SLC8A1: variants seen among roughly 807,000 people sequenced by gnomAD.
SLC8A1 encodes solute carrier family 8 member A1.
In SLC8A1, 18 loss-of-function variants were observed where a neutral mutation model predicts 68.3. That is an observed-to-expected ratio of 0.26 (90% CI 0.18 to 0.39). The LOEUF is 0.39. Among genes scored for constraint, SLC8A1 ranks in the 10% least tolerant of loss-of-function variants. SLC8A1 has a pLI of 1.00. For missense variants in SLC8A1, 985 were observed against 1,156.7 expected, an observed-to-expected ratio of 0.85 and a Z score of 2.15; for synonymous variants, 475 against 415.5, an observed-to-expected ratio of 1.14 and a Z score of -1.74.
intron 2 of SLC8A1, among the ~76,000 whole-genome samples, chr2:40,403,137 A>C (rs1689255258): frequency 6.6e-6 from 1 of 152,224 alleles, no homozygotes; most frequent in African/African-American, 2.4e-5. Context: ...TTGGTATTTA[A>C]AGTTAATCCT....
intron 1 of SLC8A1, among the ~76,000 whole-genome samples, chr2:40,444,593 G>C (rs1486995131): frequency 6.6e-6 from 1 of 152,190 alleles, no homozygotes; most frequent in African/African-American, 2.4e-5. Context: ...TGTGTCAAGA[G>C]TTGGCAAACT....
At chr2:40,110,033 T>G (rs1006494151) in exon 8 of SLC8A1, 2 of 152,178 alleles carry the variant, frequency 1.3e-5, no homozygotes, top group African/African-American at 2.4e-5. Flanking sequence ...CAGAGAACCT[T>G]TGACAAAACT....
At chr2:40,168,925 T>C (rs1244261995) in intron 4 of SLC8A1, among the ~76,000 whole-genome samples, 1 of 152,224 alleles carries the variant, frequency 6.6e-6, no homozygotes, top group Non-Finnish European at 1.5e-5. Context: ...AAATGCATAA[T>C]TAACAGCCAC....
intron 2 of SLC8A1, among the ~76,000 whole-genome samples, chr2:40,320,109 A>G (rs2075009013): frequency 6.6e-6 from 1 of 152,140 alleles, no homozygotes; most frequent in African/African-American, 2.4e-5. Flanking sequence ...CATCATTACC[A>G]TCACCATCAT....
intron 2 of SLC8A1, among the ~76,000 whole-genome samples, chr2:40,197,665 ATTC>A (rs1460306020): frequency 1.3e-5 from 2 of 150,864 alleles, no homozygotes; most frequent in Non-Finnish European, 3.0e-5. Context: ...GAAATTCAGT[ATTC>A]TTAGAATGAG....
At chr2:40,315,179 C>G (rs2074268105) in intron 2 of SLC8A1, among the ~76,000 whole-genome samples, 1 of 151,762 alleles carries the variant, frequency 6.6e-6, no homozygotes, top group Non-Finnish European at 1.5e-5. Context: ...CCTAATATTT[C>G]TGAGGGTTCT....
chr2:40,159,262 C>T (rs1238024669), intron 6 of SLC8A1, among the ~76,000 whole-genome samples: 1 of 152,188 alleles, frequency 6.6e-6, no homozygotes, highest in African/African-American at 2.4e-5. Context: ...CTCCATTAGA[C>T]TGTAAGCTCC....
intron 2 of SLC8A1, among the ~76,000 whole-genome samples, chr2:40,391,725 G>A (rs1685326330): frequency 6.6e-6 from 1 of 151,926 alleles, no homozygotes; most frequent in Non-Finnish European, 1.5e-5. Flanking sequence ...AGAACCTGAG[G>A]GAAAATTTAG....
At chr2:40,167,704 T>C (rs1307681800) in intron 4 of SLC8A1, among the ~76,000 whole-genome samples, 1 of 152,192 alleles carries the variant, frequency 6.6e-6, no homozygotes, top group African/African-American at 2.4e-5. Context: ...TTAAATCTTA[T>C]CTTTCAAAAC....
chr2:40,117,901 G>T (rs948648672), intron 7 of SLC8A1, among the ~76,000 whole-genome samples: 1 of 152,180 alleles, frequency 6.6e-6, no homozygotes, highest in Admixed American at 6.5e-5. Context: ...GGATAAGAAG[G>T]CTTTTTAGGC....
At position 40,169,992 on chromosome 2, in the gene SLC8A1, C is replaced by T. The variant is rs537363302; in HGVS notation, c.1930+4833G>A. ...TACACTTGGGATAAAAACTGATGTG[C>T]GAGAAGAAATATTTCCAAGAAATCT... On this transcript the variant is annotated intron_variant, in intron 4 of 7. Coordinates refer to ENST00000406785, the Ensembl canonical transcript of SLC8A1. Among the ~76,000 whole-genome samples the T allele has an allele frequency of 3.2e-4, 49 of 152,154 alleles. 1 individual carries two copies. The South Asian group carries it at 9.8e-3, about 30-fold the overall frequency.
chr2:40,173,349 G>A (rs385341), intron 4 of SLC8A1, among the ~76,000 whole-genome samples: 118,885 of 152,114 alleles, frequency 0.78, 47,104 homozygotes, highest in Middle Eastern at 0.85. Context: ...GTAGTGCACA[G>A]TTGGGGACAT....
At chr2:40,406,405 A>G (rs1034306712) in intron 2 of SLC8A1, among the ~76,000 whole-genome samples, 52 of 152,186 alleles carry the variant, frequency 3.4e-4, no homozygotes, top group African/African-American at 1.2e-3. Flanking sequence ...ATATATAATA[A>G]ACATGATTAC....
chr2:40,241,309 G>A (rs554334584), intron 2 of SLC8A1, among the ~76,000 whole-genome samples: 14 of 151,984 alleles, frequency 9.2e-5, no homozygotes, highest in African/African-American at 2.9e-4. Flanking sequence ...GAGCATACAC[G>A]GACATAAACG....
intron 1 of SLC8A1, among the ~76,000 whole-genome samples, chr2:40,487,198 C>T (rs544980102): frequency 2.6e-5 from 4 of 152,202 alleles, no homozygotes; most frequent in African/African-American, 9.6e-5. Context: ...TGGTGAAAAT[C>T]ATACTGTTAG....
chr2:40,116,474 C>T lies in SLC8A1; in HGVS notation c.2438-845G>A, dbSNP rs370066860. Among the ~76,000 whole-genome samples the T allele has an allele frequency of 6.4e-4, 97 of 152,268 alleles. 1 individual carries two copies. In the East Asian group the frequency reaches 0.013, roughly 20 times the overall value. ...GCTATCCCTCCCCCAACCCCCACCCCACAGCAGTCCCCAGAGTGTGATGTT... is the reference window on the plus strand; with the variant it reads ...GCTATCCCTCCCCCAACCCCCACCCTACAGCAGTCCCCAGAGTGTGATGTT... On this transcript the variant is annotated intron_variant, in intron 7 of 7. Transcript: ENST00000406785.
At chr2:40,361,204 C>T (rs1184911561) in intron 2 of SLC8A1, among the ~76,000 whole-genome samples, 2 of 152,120 alleles carry the variant, frequency 1.3e-5, no homozygotes, top group Non-Finnish European at 2.9e-5. Context: ...CTAAGATACT[C>T]TCTAAGCACA....
intron 2 of SLC8A1, among the ~76,000 whole-genome samples, chr2:40,293,882 TA>T (rs1248409986): frequency 2.0e-5 from 3 of 152,168 alleles, no homozygotes; most frequent in African/African-American, 7.2e-5. Context: ...GAGTCAGTCG[TA>T]AAACAGAGTA....
chr2:40,412,987 G>A (rs1181446633), intron 2 of SLC8A1, among the ~76,000 whole-genome samples: 1 of 151,994 alleles, frequency 6.6e-6, no homozygotes, highest in African/African-American at 2.4e-5. Flanking sequence ...GTGCCATGTT[G>A]GTGTGCTGCA....
Sources: allele counts gnomAD v4.1 joint callset (sites outside exome capture counted in the v4.1 genomes callset), GRCh38; gene constraint gnomAD v4.1.1; transcripts MANE v1.5; gene names NCBI Gene and HGNC (gene_info 2026-07-23, HGNC 2026-07-21).